DAG1: variants seen among roughly 807,000 people sequenced by gnomAD.
The protein encoded by DAG1 is dystroglycan 1 (dystrophin-associated glycoprotein 1).
A neutral mutation model predicts 46.1 loss-of-function variants in DAG1; 8 were observed. The ratio of observed to expected loss-of-function variants is 0.17; its 90% CI spans 0.10 to 0.31. The LOEUF is 0.31. Among genes scored for constraint, DAG1 ranks in the 10% least tolerant of loss-of-function variants. The probability of loss-of-function intolerance (pLI) is 1.00; values close to 1 mark genes in which losing one functional copy is unlikely to be tolerated. For synonymous variants in DAG1, 495 were observed against 481.8 expected (o/e 1.03, Z -0.36); for missense variants, 1,003 against 1,189.9 (o/e 0.84, Z 2.31).
At chr3:49,476,361 G>A (rs1275149762) in intron 1 of DAG1, among the ~76,000 whole-genome samples, 2 of 152,056 alleles carry the variant, frequency 1.3e-5, no homozygotes, top group African/African-American at 2.4e-5. Flanking sequence ...AGGCCGAGCC[G>A]TGTGGATCAC....
chr3:49,532,548 C>T lies in DAG1; in HGVS notation c.2037C>T (p.Arg679=). The T allele has an allele frequency of 6.2e-7, 1 of 1,613,512 alleles. No homozygotes were observed. Among genetic ancestry groups the T allele is most frequent in the Non-Finnish European group, 8.5e-7 (1 of 1,179,436 alleles). ...AGGAGCAGATCGCTGGGCTGAGCCG[C>T]CGGATCGCTGAGGATGATGGAAAAC... ...CPKEQIAGLS[R]RIAEDDGKPR... Residue 679 remains arginine, a synonymous_variant, in exon 3 of 3, where the codon CGC becomes CGT. Coordinates refer to ENST00000308775, the MANE Select transcript of DAG1 (RefSeq NM_004393.6). The surrounding 1 kb of genome is among the most constrained non-coding windows in gnomAD (Gnocchi z 5.4).
rs375194967 is a variant in DAG1 at position 49,533,147 on chromosome 3, G to T, written c.2636G>T (p.Arg879Leu). Residue 879 changes from arginine to leucine, a missense_variant, in exon 3 of 3, where the codon CGT (arginine) becomes CTT (leucine). Physicochemically the swap from Arg to Leu is moderately radical, Grantham distance 102. Transcript: ENST00000308775. ...FTAPMEGKGS[R>L]PKNMTPYRSP... The stretch of plus-strand genomic sequence containing the variant: ...GCACCCATGGAGGGCAAGGGCTCCC[G>T]TCCCAAGAACATGACCCCATACCGG... The T allele has an allele frequency of 2.5e-6, 4 of 1,614,040 alleles. No individual in the cohort carries two copies. Among genetic ancestry groups the T allele is most frequent in the Non-Finnish European group, 3.4e-6 (4 of 1,180,020 alleles).
intron 2 of DAG1, among the ~76,000 whole-genome samples, chr3:49,511,153 A>C (rs1035467792): frequency 2.0e-5 from 3 of 152,212 alleles, no homozygotes; most frequent in South Asian, 4.1e-4. Context: ...GTTAAACCCC[A>C]AAAAATAGGA....
intron 1 of DAG1, among the ~76,000 whole-genome samples, chr3:49,499,571 T>C (rs929533389): frequency 6.6e-6 from 1 of 152,246 alleles, no homozygotes; most frequent in Non-Finnish European, 1.5e-5. Context: ...CTGAGTTCCC[T>C]GTGTGCGTGG....
intron 1 of DAG1, among the ~76,000 whole-genome samples, chr3:49,499,969 T>A (rs2050402277): frequency 6.6e-6 from 1 of 151,856 alleles, no homozygotes; most frequent in Admixed American, 6.6e-5. Context: ...GACATTTTAC[T>A]TCTTCTTCTT....
chr3:49,484,605 G>A (rs2049970320), intron 1 of DAG1, among the ~76,000 whole-genome samples: 1 of 152,120 alleles, frequency 6.6e-6, no homozygotes. Flanking sequence ...ACATCTGTGT[G>A]AGGGGGTGGA....
intron 1 of DAG1, among the ~76,000 whole-genome samples, chr3:49,496,673 CT>C (rs999554417): frequency 7.2e-4 from 102 of 142,178 alleles, no homozygotes; most frequent in Admixed American, 1.1e-3. Context: ...ATTTTTTTTT[CT>C]TTTTTTTTTT....
Position 49,503,207 on chromosome 3 carries a change from A to G in DAG1, c.-116-7212A>G, listed in dbSNP as rs531095224. Among the ~76,000 whole-genome samples the G allele has an allele frequency of 1.8e-3, 269 of 152,294 alleles. 1 individual carries two copies. The highest frequency in any genetic ancestry group is 6.2e-3 in the African/African-American group (256 of 41,566). ...CTAGGGCAGCTCACAGCTCCCACCA[A>G]CAGCCATGTGGTCCTGTTCCCTCAG... is the stretch of plus-strand genomic sequence containing the variant. On this transcript the variant is annotated intron_variant, in intron 1 of 2. Transcript: ENST00000308775.
intron 1 of DAG1, among the ~76,000 whole-genome samples, chr3:49,479,911 A>G (rs1575341798): frequency 1.4e-5 from 2 of 143,652 alleles, no homozygotes; most frequent in Middle Eastern, 4.2e-3. Context: ...GAGTGCTGGG[A>G]TTACAGGCGT....
At chr3:49,489,661 G>C (rs1484907332) in intron 1 of DAG1, among the ~76,000 whole-genome samples, 1 of 151,974 alleles carries the variant, frequency 6.6e-6, no homozygotes, top group Non-Finnish European at 1.5e-5. Context: ...AGTAATTTTG[G>C]GCCCTAGTGT....
At position 49,531,236 on chromosome 3, in the gene DAG1, T is replaced by C. The variant is rs2051334544; in HGVS notation, c.725T>C (p.Met242Thr). 6.2e-7 allele frequency: 1 copy of C among 1,614,058 alleles called. No individual in the cohort carries two copies. Among genetic ancestry groups the C allele is most frequent in the African/African-American group, 1.3e-5 (1 of 74,912 alleles). The change falls in exon 3 of 3, where the codon ATG (methionine) becomes ACG (threonine). Residue 242 changes from methionine to threonine, a missense_variant. Around this residue, in one of 3 missense-constraint regions of DAG1, gnomAD observed 52 missense variants for 96.7 expected, o/e 0.54. Transcript: ENST00000308775. This position sits in a 1 kb window ranked among gnomAD's most constrained non-coding sequence, Gnocchi z 7.0. The stretch of plus-strand genomic sequence containing the variant: ...AGACTATTTGACATGTCGGCCTTCA[T>C]GGCTGGCCCGGGAAATGCAAAAAAG... ...NNRLFDMSAF[M>T]AGPGNAKKVV...
chr3:49,501,289 A>T (rs1426248398), intron 1 of DAG1, among the ~76,000 whole-genome samples: 1 of 152,174 alleles, frequency 6.6e-6, no homozygotes, highest in Non-Finnish European at 1.5e-5. Context: ...TGAGATTGGA[A>T]TAGTGAAAGA....
Position 49,531,381 on chromosome 3 carries a change from T to C in DAG1, c.870T>C (p.Leu290=). ...PAREGAMSAQ[L]GYPVVGWHIA... ...GGGAGGGCGCAATGTCTGCTCAGCT[T>C]GGCTACCCTGTGGTGGGTTGGCACA... Residue 290 remains leucine, a synonymous_variant, in exon 3 of 3, where the codon CTT becomes CTC. Transcript: ENST00000308775. The surrounding 1 kb of genome is among the most constrained non-coding windows in gnomAD (Gnocchi z 7.0). 6.2e-7 allele frequency: 1 copy of C among 1,614,168 alleles called. No homozygotes were observed. The highest frequency in any genetic ancestry group is 1.3e-5 in the African/African-American group (1 of 75,038).
At chr3:49,508,133 C>T (rs1472581173) in intron 1 of DAG1, among the ~76,000 whole-genome samples, 1 of 139,730 alleles carries the variant, frequency 7.2e-6, no homozygotes, top group Non-Finnish European at 1.6e-5. Context: ...TTTTTGTTTT[C>T]AGTTTCATTG....
chr3:49,479,660 C>T (rs2049809011), intron 1 of DAG1, among the ~76,000 whole-genome samples: 1 of 101,206 alleles, frequency 9.9e-6, no homozygotes, highest in African/African-American at 4.0e-5. Flanking sequence ...TTTTTTGAGA[C>T]CGAGTCTCCC....
chr3:49,501,793 GAC>G (rs2050459846), intron 1 of DAG1, among the ~76,000 whole-genome samples: 1 of 142,516 alleles, frequency 7.0e-6, no homozygotes, highest in Non-Finnish European at 1.5e-5. Context: ...CAGCCCGGGT[GAC>G]AGAGTGAGAC....
At chr3:49,516,718 T>C (rs1341150737) in intron 2 of DAG1, among the ~76,000 whole-genome samples, 1 of 152,208 alleles carries the variant, frequency 6.6e-6, no homozygotes, top group African/African-American at 2.4e-5. Flanking sequence ...TTCCTTACTT[T>C]CTGGGATAAG....
At chr3:49,507,691 A>G (rs1244105071) in intron 1 of DAG1, among the ~76,000 whole-genome samples, 2 of 141,596 alleles carry the variant, frequency 1.4e-5, no homozygotes, top group African/African-American at 5.3e-5. Flanking sequence ...CTTTTGAGAC[A>G]GTCTCAATCT....
intron 1 of DAG1, among the ~76,000 whole-genome samples, chr3:49,502,367 T>G (rs1361233362): frequency 1.3e-5 from 2 of 152,186 alleles, no homozygotes; most frequent in Non-Finnish European, 2.9e-5. Flanking sequence ...ACATGGTCAT[T>G]TGGTCCCTTT....
Sources: gnomAD v4.1 joint callset for allele counts (sites outside exome capture counted in the v4.1 genomes callset) on GRCh38, gnomAD v4.1.1 for gene constraint, gnomAD v4.1.1 regional missense constraint, Gnocchi (gnomAD v3.1) non-coding constraint, MANE v1.5 for transcripts, NCBI Gene and HGNC (gene_info 2026-07-23, HGNC 2026-07-21) for gene names.